The following TSPAN12 variants were observed in gnomAD, a reference collection of about 807,000 sequenced individuals.
TSPAN12 encodes the protein tetraspanin 12.
TSPAN12 carries 19 observed loss-of-function variants against 39.2 expected under a neutral mutation model. The observed-to-expected ratio is 0.49, with a 90% CI of 0.34 to 0.71. The LOEUF (loss-of-function observed/expected upper bound fraction) is 0.71. Ranked by LOEUF, TSPAN12 falls within the 30% of genes least tolerant of loss-of-function variation. TSPAN12 has a pLI of 0.01. For missense variants in TSPAN12, 314 were observed against 359.9 expected, an observed-to-expected ratio of 0.87 and a Z score of 1.03; for synonymous variants, 119 against 124.8, an observed-to-expected ratio of 0.95 and a Z score of 0.31.
At chr7:120,821,429 TAAA>T (rs57157669) in intron 4 of TSPAN12, among the ~76,000 whole-genome samples, 1 of 142,704 alleles carries the variant, frequency 7.0e-6, no homozygotes. Context: ...CTTGTTGACT[TAAA>T]AAAAAAAAAA....
rs533724441 is a variant in TSPAN12, at chr7:120,802,538, C to T, written c.612+4011G>A. ...TTTTTTCTTGTTAAACGTATGTATC[C>T]GTAACTAGAATATAAATTACATAGG... On this transcript the variant is annotated intron_variant, in intron 7 of 7. Coordinates refer to ENST00000222747, the MANE Select transcript of TSPAN12 (RefSeq NM_012338.4). Among the ~76,000 whole-genome samples the T allele has an allele frequency of 2.0e-5, 3 of 152,024 alleles. No homozygotes were observed. The East Asian group carries it at 5.8e-4, about 29-fold the overall frequency.
rs1340088042 is a variant in TSPAN12, at chr7:120,788,181, A to G, written c.*411T>C. The G allele has an allele frequency of 5.8e-6, 1 of 171,478 alleles. No homozygotes were observed. Among genetic ancestry groups the G allele is most frequent in the African/African-American group, 2.4e-5 (1 of 41,742 alleles). The allele number at this position is 171,478 out of a possible 1,614,324, so 10.6% of individuals were successfully genotyped here. On this transcript the variant is annotated 3_prime_UTR_variant, in exon 8 of 8. Transcript: ENST00000222747. ...GTAATAAAAGTTATTAGTATTTTCTAACTTCCTATGTTAGCATTTAATTAG... is the reference window on the plus strand; with the variant it reads ...GTAATAAAAGTTATTAGTATTTTCTGACTTCCTATGTTAGCATTTAATTAG...
intron 2 of TSPAN12, among the ~76,000 whole-genome samples, chr7:120,848,930 G>T (rs1414037133): frequency 6.6e-6 from 1 of 152,150 alleles, no homozygotes; most frequent in Non-Finnish European, 1.5e-5. Flanking sequence ...AACTAAACCT[G>T]ATATTAAACC....
At chr7:120,816,819 G>A (rs1013155720) in intron 4 of TSPAN12, among the ~76,000 whole-genome samples, 1 of 152,118 alleles carries the variant, frequency 6.6e-6, no homozygotes, top group South Asian at 2.1e-4. Flanking sequence ...GGATGGTGAA[G>A]ATGCCTTAGA....
At chr7:120,849,694 A>T (rs549513235) in intron 2 of TSPAN12, among the ~76,000 whole-genome samples, 8 of 152,336 alleles carry the variant, frequency 5.3e-5, no homozygotes, top group African/African-American at 1.9e-4. Context: ...TTTATTGGCT[A>T]ATCTTGAAAA....
chr7:120,799,522 AAT>A (rs1427826076), intron 7 of TSPAN12, among the ~76,000 whole-genome samples: 1 of 117,242 alleles, frequency 8.5e-6, no homozygotes, highest in African/African-American at 3.5e-5. Flanking sequence ...ATATATAATT[AAT>A]TATATATAAT....
chr7:120,804,764 G>T (rs117143359), intron 7 of TSPAN12, among the ~76,000 whole-genome samples: 1 of 152,222 alleles, frequency 6.6e-6, no homozygotes, highest in East Asian at 1.9e-4. Flanking sequence ...GATGAGGTCC[G>T]ACTGGAGGAC....
chr7:120,791,787 T>C (rs1305147973), intron 7 of TSPAN12, among the ~76,000 whole-genome samples: 1 of 152,204 alleles, frequency 6.6e-6, no homozygotes. Context: ...GTAAATTCTA[T>C]CACCTAGGAT....
At chr7:120,845,715 G>A (rs1031643684) in intron 2 of TSPAN12, among the ~76,000 whole-genome samples, 1 of 152,132 alleles carries the variant, frequency 6.6e-6, no homozygotes, top group Non-Finnish European at 1.5e-5. Flanking sequence ...ACATCAGTCT[G>A]GACTTCATTT....
chr7:120,815,878 T>C (rs1438724579), intron 4 of TSPAN12, 75 bp from the exon 5 acceptor site: 13 of 1,346,354 alleles, frequency 9.7e-6, no homozygotes, highest in Non-Finnish European at 1.3e-5. Flanking sequence ...CTTGGTATTA[T>C]GTTTACCTAG....
At chr7:120,833,477 A>G (rs1584945504) in intron 4 of TSPAN12, among the ~76,000 whole-genome samples, 1 of 152,112 alleles carries the variant, frequency 6.6e-6, no homozygotes, top group East Asian at 1.9e-4. Flanking sequence ...TCCACTAAGG[A>G]AAACATTCAG....
rs368502512 is a variant in TSPAN12 at position 120,796,826 on chromosome 7, CTCCACTTGA to C, written c.613-7938_613-7930del. Among the ~76,000 whole-genome samples the C allele has an allele frequency of 9.2e-3, 1,393 of 152,222 alleles. 21 individuals are homozygous for C. Among genetic ancestry groups the C allele is most frequent in the African/African-American group, 0.032 (1,313 of 41,530 alleles). ...CACCCACTCACCCACCCAGTCTGTC[CTCCACTTGA>C]TCCACAGTAATTAGTGTTTATATAA... On this transcript the variant is annotated intron_variant, in intron 7 of 7. Coordinates refer to ENST00000222747, the MANE Select transcript of TSPAN12 (RefSeq NM_012338.4).
intron 2 of TSPAN12, among the ~76,000 whole-genome samples, chr7:120,840,642 T>TAA (rs1794560222): frequency 6.6e-6 from 1 of 152,236 alleles, no homozygotes; most frequent in South Asian, 2.1e-4. Context: ...ATATATGTGC[T>TAA]AAAGTATATA....
At chr7:120,805,029 A>G (rs754745430) in intron 7 of TSPAN12, among the ~76,000 whole-genome samples, 4 of 152,126 alleles carry the variant, frequency 2.6e-5, no homozygotes, top group Non-Finnish European at 4.4e-5. Context: ...ACACTGTGAC[A>G]ATAAATTTAC....
At chr7:120,812,813 T>A (rs1438223460) in intron 5 of TSPAN12, among the ~76,000 whole-genome samples, 1 of 152,096 alleles carries the variant, frequency 6.6e-6, no homozygotes, top group African/African-American at 2.4e-5. Flanking sequence ...TATCTAGAAA[T>A]GTACAATCTG....
intron 4 of TSPAN12, among the ~76,000 whole-genome samples, chr7:120,837,535 A>G (rs932078145): frequency 6.6e-6 from 1 of 151,928 alleles, no homozygotes; most frequent in African/African-American, 2.4e-5. Context: ...GATGGTCTTG[A>G]TTTCTTGACC....
intron 1 of TSPAN12, 79 bp from the exon 2 acceptor site, chr7:120,856,912 G>A: frequency 1.2e-6 from 1 of 811,688 alleles, no homozygotes; most frequent in Non-Finnish European, 2.1e-6. Context: ...TCCTCCACCC[G>A]CCCTCAGCAG....
chr7:120,805,851 C>A (rs1360123132), intron 7 of TSPAN12, among the ~76,000 whole-genome samples: 1 of 152,012 alleles, frequency 6.6e-6, no homozygotes, highest in Non-Finnish European at 1.5e-5. Context: ...GAGGACAGTG[C>A]AGTCTTAGAT....
intron 5 of TSPAN12, among the ~76,000 whole-genome samples, chr7:120,814,701 G>T (rs936132121): frequency 6.6e-6 from 1 of 152,132 alleles, no homozygotes; most frequent in Non-Finnish European, 1.5e-5. Flanking sequence ...AGCCAAACAT[G>T]ACTAGTAAAA....
Sources: allele counts gnomAD v4.1 joint callset (sites outside exome capture counted in the v4.1 genomes callset), GRCh38; gene constraint gnomAD v4.1.1; transcripts MANE v1.5; gene names NCBI Gene and HGNC (gene_info 2026-07-23, HGNC 2026-07-21).